The following PMS1 variants were observed in gnomAD, a reference collection of about 807,000 sequenced individuals.
PMS1 encodes the protein PMS1 protein homolog 1.
A neutral mutation model predicts 93.1 loss-of-function variants in PMS1; 79 were observed. The ratio of observed to expected loss-of-function variants is 0.85; its 90% CI spans 0.71 to 1.02. The LOEUF (loss-of-function observed/expected upper bound fraction) is 1.02. PMS1 is among the 50% of genes least tolerant of loss of function. The pLI is 0.00. For missense variants in PMS1, 1,064 were observed against 1,085.3 expected, an observed-to-expected ratio of 0.98 and a Z score of 0.28; for synonymous variants, 335 against 363.4, an observed-to-expected ratio of 0.92 and a Z score of 0.89.
At chr2:189,798,591 A>G (rs1453595168) in intron 3 of PMS1, among the ~76,000 whole-genome samples, 4 of 152,258 alleles carry the variant, frequency 2.6e-5, no homozygotes, top group Admixed American at 2.0e-4. Flanking sequence ...TTTCTCCTCA[A>G]GACTATAAAT....
chr2:189,786,492 A>C (rs1464666799), intron 1 of PMS1, among the ~76,000 whole-genome samples: 1 of 152,180 alleles, frequency 6.6e-6, no homozygotes, highest in African/African-American at 2.4e-5. Context: ...TAGAATTTCT[A>C]GGATGACTTC....
In PMS1 at chr2:189,838,338, GA is replaced by G. The variant is rs534785581; in HGVS notation, c.583-5617del. On this transcript the variant is annotated intron_variant, in intron 5 of 12. Coordinates refer to ENST00000441310, the MANE Select transcript of PMS1 (RefSeq NM_000534.5). ...TCTACTGGGGTTACTTTTCCCTAGG[GA>G]AAAAAAAATGTGTTTATTTGCTCAT... Among the ~76,000 whole-genome samples the G allele has an allele frequency of 1.3e-3, 194 of 150,610 alleles. 3 individuals are homozygous for G. The South Asian group carries it at 0.019, about 15-fold the overall frequency.
chr2:189,826,252 G>A (rs2052417783), intron 5 of PMS1, among the ~76,000 whole-genome samples: 2 of 152,162 alleles, frequency 1.3e-5, no homozygotes, highest in African/African-American at 4.8e-5. Flanking sequence ...TGTGGAGTCA[G>A]TATAATCAGA....
rs1038338203 is a variant in PMS1, at chr2:189,792,541, CTTAA to C, written c.132+604_132+607del. On this transcript the variant is annotated intron_variant, in intron 2 of 12. Transcript: ENST00000441310. ...TGTAAGAATACATTTTTTAAAATCT[CTTAA>C]TTATCAGATATTTATGCTATTTCTA... Among the ~76,000 whole-genome samples the C allele has an allele frequency of 2.2e-4, 33 of 151,490 alleles. 1 individual carries two copies. Among genetic ancestry groups the C allele is most frequent in the Non-Finnish European group, 3.7e-4 (25 of 67,818 alleles).
intron 6 of PMS1, 40 bp from the exon 7 acceptor site, chr2:189,852,615 C>T (rs1441696782): frequency 6.3e-7 from 1 of 1,581,348 alleles, no homozygotes; most frequent in Non-Finnish European, 8.7e-7. Context: ...ACCCGTGGAA[C>T]TACATTGTTG....
intron 5 of PMS1, 52 bp from the exon 6 acceptor site, chr2:189,843,912 T>G: frequency 6.7e-7 from 1 of 1,490,536 alleles, no homozygotes; most frequent in Non-Finnish European, 9.3e-7. Flanking sequence ...ACTTCTTGAG[T>G]TTAGTAAATC....
At chr2:189,833,311 C>T (rs990759906) in intron 5 of PMS1, among the ~76,000 whole-genome samples, 2 of 152,080 alleles carry the variant, frequency 1.3e-5, no homozygotes, top group Non-Finnish European at 2.9e-5. Context: ...AATTTATGGC[C>T]GGGTGCAGTG....
rs564987325 is a variant in PMS1, at chr2:189,821,324, A to G, written c.582+3144A>G. Reference sequence around the variant, plus strand: ...ACAAAAATGAACCAGGCATGGTGGCATGCGCCTGTAGTCCCAGCTACTCAG... The same window carrying G: ...ACAAAAATGAACCAGGCATGGTGGCGTGCGCCTGTAGTCCCAGCTACTCAG... On this transcript the variant is annotated intron_variant, in intron 5 of 12. Transcript: ENST00000441310. Among the ~76,000 whole-genome samples, 141 of 151,924 alleles carry G rather than the reference A, an allele frequency of 9.3e-4. 4 individuals are homozygous for G. In the South Asian group the frequency reaches 0.028, roughly 30 times the overall value.
In PMS1 at chr2:189,854,812, C is replaced by G. The variant is rs368282144; in HGVS notation, c.1540C>G (p.Pro514Ala). ...AAATTCAGTGGGAGAGAATATTGAACCTGTGAAAATTTTAGTGCCTGAAAA... is the reference window on the plus strand; with the variant it reads ...AAATTCAGTGGGAGAGAATATTGAAGCTGTGAAAATTTTAGTGCCTGAAAA... ...LKNSVGENIE[P>A]VKILVPEKSL... Residue 514 changes from proline (P) to alanine (A), a missense_variant, in exon 9 of 13, where the codon CCT becomes GCT. Physicochemically the swap from Pro to Ala is conservative, Grantham distance 27. Transcript: ENST00000441310. The G allele has an allele frequency of 6.2e-7, 1 of 1,612,304 alleles. No individual in the cohort carries two copies. Among genetic ancestry groups the G allele is most frequent in the African/African-American group, 1.3e-5 (1 of 74,806 alleles).
chr2:189,854,292 A>G lies in PMS1; in HGVS notation c.1020A>G (p.Leu340=). 6.3e-7 allele frequency: 1 copy of G among 1,595,906 alleles called. No homozygotes were observed. The change falls in exon 9 of 13, where the codon TTA becomes TTG. Residue 340 remains leucine, a synonymous_variant. Coordinates refer to ENST00000441310, the MANE Select transcript of PMS1 (RefSeq NM_000534.5). ...TGATGACGACTTGTTATGGACCATTACCTAGTACAAATTCTTATGAAAATA... is the reference window on the plus strand; with the variant it reads ...TGATGACGACTTGTTATGGACCATTGCCTAGTACAAATTCTTATGAAAATA... ...ENLMTTCYGP[L]PSTNSYENNK... is the part of the protein sequence containing the mutation.
At chr2:189,795,732 T>C (rs752860881) in intron 2 of PMS1, 37 bp from the exon 3 acceptor site, 20 of 1,493,998 alleles carry the variant, frequency 1.3e-5, no homozygotes, top group Middle Eastern at 3.4e-4. Context: ...CAGTTTAATA[T>C]TTTTACATAT....
chr2:189,794,765 A>G (rs1468698600), intron 2 of PMS1, among the ~76,000 whole-genome samples: 1 of 152,146 alleles, frequency 6.6e-6, no homozygotes. Flanking sequence ...GTATATTTTT[A>G]GTATAAGAAT....
intron 11 of PMS1, among the ~76,000 whole-genome samples, chr2:189,872,731 C>T (rs1403168338): frequency 6.6e-6 from 1 of 152,146 alleles, no homozygotes; most frequent in African/African-American, 2.4e-5. Context: ...CTCCTGGGAT[C>T]AAGTGATCCT....
chr2:189,815,821 A>T (rs2051248271), intron 4 of PMS1, among the ~76,000 whole-genome samples: 1 of 152,212 alleles, frequency 6.6e-6, no homozygotes, highest in Non-Finnish European at 1.5e-5. Flanking sequence ...AAGCCCACCC[A>T]CATTAGCATC....
chr2:189,806,894 TTTG>T (rs1286527995), intron 4 of PMS1: 14 of 212,598 alleles, frequency 6.6e-5, no homozygotes, highest in South Asian at 3.7e-4. Flanking sequence ...ACTTGTGGGT[TTTG>T]TTGTTGTTGT....
Position 189,795,902 on chromosome 2 carries a change from CT to C in PMS1, c.268del (p.Tyr90ThrfsTer14). The C allele has an allele frequency of 6.2e-7, 1 of 1,613,560 alleles. No individual in the cohort carries two copies. The highest frequency in any genetic ancestry group is 8.5e-7 in the Non-Finnish European group (1 of 1,179,512). On this transcript the variant is annotated frameshift_variant, in exon 3 of 13. Coordinates refer to ENST00000441310, the MANE Select transcript of PMS1 (RefSeq NM_000534.5). LOFTEE classifies it high-confidence loss of function. ...NSHEDLENLT[T>X]YGFRGEALGS... ...CATGAAGATCTTGAAAATTTGACAA[CT>C]TACGGTTTTCGTGGAGAAGCCTTGG...
rs769887269 is a variant in PMS1 at position 189,844,037 on chromosome 2, T to C, written c.656T>C (p.Met219Thr). ...ATGTCAGTTCTGGGGACTGCTGTTA[T>C]GAACAATATGGAATCCTTTCAGTAC... ...ALMSVLGTAV[M>T]NNMESFQYHS... Residue 219 changes from methionine (M) to threonine (T), a missense_variant, in exon 6 of 13, where the codon ATG (methionine) becomes ACG (threonine). By Grantham distance (81) the Met-to-Thr change is moderately conservative. Coordinates refer to ENST00000441310, the MANE Select transcript of PMS1 (RefSeq NM_000534.5). The C allele has an allele frequency of 3.1e-6, 5 of 1,613,902 alleles. No individual in the cohort carries two copies. Among genetic ancestry groups the C allele is most frequent in the African/African-American group, 2.7e-5 (2 of 74,940 alleles).
In PMS1 at chr2:189,853,949, A is replaced by T; in HGVS notation, c.833A>T (p.His278Leu). 6.3e-7 allele frequency: 1 copy of T among 1,575,634 alleles called. No individual in the cohort carries two copies. The highest frequency in any genetic ancestry group is 8.7e-7 in the Non-Finnish European group (1 of 1,151,106). ...HQKDILKLIR[H>L]HYNLKCLKES... ...TACATGTATTTCTAGTTAATCCGAC[A>T]TCATTACAATCTGAAATGCCTAAAG... The change falls in exon 8 of 13, where the codon CAT (histidine) becomes CTT (leucine). Residue 278 changes from histidine to leucine, a missense_variant. By Grantham distance (99) the His-to-Leu change is moderately conservative. Transcript: ENST00000441310.
rs756743623 is a variant in PMS1 at position 189,854,473 on chromosome 2, A to T, written c.1201A>T (p.Lys401Ter). 6.2e-7 allele frequency: 1 copy of T among 1,613,646 alleles called. No individual in the cohort carries two copies. The highest frequency in any genetic ancestry group is 8.5e-7 in the Non-Finnish European group (1 of 1,179,680). ...TGATATGCATAATGATGAATCTGGA[A>T]AAAACACTGATGATTGTTTAAATCA... Reference protein sequence around the residue: ...QNDMHNDESGKNTDDCLNHQI... With the variant: ...QNDMHNDESG The change falls in exon 9 of 13, where the codon AAA becomes TAA. Residue 401 changes from lysine to a stop codon, truncating the protein, a stop_gained. Coordinates refer to ENST00000441310, the MANE Select transcript of PMS1 (RefSeq NM_000534.5). LOFTEE classifies it high-confidence loss of function.
Sources: gnomAD v4.1 joint callset for allele counts (sites outside exome capture counted in the v4.1 genomes callset) on GRCh38, gnomAD v4.1.1 for gene constraint, MANE v1.5 for transcripts, NCBI Gene and HGNC (gene_info 2026-07-23, HGNC 2026-07-21) for gene names.